The following BRINP3 variants were observed in gnomAD, a reference collection of about 807,000 sequenced individuals.
BRINP3 encodes BMP/retinoic acid-inducible neural-specific protein 3.
BRINP3 carries 19 observed loss-of-function variants against 71.0 expected under a neutral mutation model. That is an observed-to-expected ratio of 0.27 (90% CI 0.19 to 0.39). BRINP3 has a LOEUF of 0.39. BRINP3 is among the 10% of genes least tolerant of loss of function. BRINP3 has a pLI of 1.00. For synonymous variants in BRINP3, 380 were observed against 337.7 expected, an observed-to-expected ratio of 1.13 and a Z score of -1.37; for missense variants, 959 against 940.8, an observed-to-expected ratio of 1.02 and a Z score of -0.25.
intron 2 of BRINP3, among the ~76,000 whole-genome samples, chr1:190,397,366 T>C (rs1171150): frequency 0.55 from 83,723 of 151,708 alleles, 24,064 homozygotes; most frequent in Middle Eastern, 0.64. Flanking sequence ...AGTGTGTCGC[T>C]ATGGCTCCTG....
At chr1:190,277,870 C>CA (rs956126921) in intron 3 of BRINP3, among the ~76,000 whole-genome samples, 12 of 151,404 alleles carry the variant, frequency 7.9e-5, no homozygotes, top group African/African-American at 2.7e-4. Context: ...TATCATTATC[C>CA]AAAATAGAAG....
chr1:190,328,967 C>T (rs1666788632), intron 2 of BRINP3, among the ~76,000 whole-genome samples: 1 of 151,906 alleles, frequency 6.6e-6, no homozygotes, highest in South Asian at 2.1e-4. Context: ...TAAAATAATC[C>T]AACGTTGCTT....
At chr1:190,430,822 G>A (rs962666754) in intron 2 of BRINP3, among the ~76,000 whole-genome samples, 2 of 152,144 alleles carry the variant, frequency 1.3e-5, no homozygotes, top group Non-Finnish European at 2.9e-5. Context: ...TCCAGTTGCT[G>A]TGTTTCTCAC....
At chr1:190,195,919 G>A (rs1239189168) in intron 6 of BRINP3, among the ~76,000 whole-genome samples, 1 of 151,864 alleles carries the variant, frequency 6.6e-6, no homozygotes, top group Non-Finnish European at 1.5e-5. Context: ...CTCATGTTCA[G>A]CTACACATTA....
intron 1 of BRINP3, among the ~76,000 whole-genome samples, chr1:190,475,138 G>A (rs973972194): frequency 3.9e-5 from 6 of 152,120 alleles, no homozygotes; most frequent in East Asian, 1.9e-4. Flanking sequence ...AGGAGTGACC[G>A]TCAGCAATAA....
intron 6 of BRINP3, among the ~76,000 whole-genome samples, chr1:190,217,524 TTGGGTTC>T (rs1266205644): frequency 1.3e-5 from 2 of 152,004 alleles, no homozygotes; most frequent in Non-Finnish European, 2.9e-5. Context: ...AATAAAATGT[TTGGGTTC>T]ATTATTTAGC....
At chr1:190,444,223 G>A (rs918041962) in intron 2 of BRINP3, among the ~76,000 whole-genome samples, 16 of 57,366 alleles carry the variant, frequency 2.8e-4, no homozygotes, top group African/African-American at 1.0e-3. Flanking sequence ...GGGGCAACAA[G>A]AGCAAAACTC....
At chr1:190,262,489 T>A (rs1558122139) in intron 4 of BRINP3, among the ~76,000 whole-genome samples, 1 of 152,158 alleles carries the variant, frequency 6.6e-6, no homozygotes, top group African/African-American at 2.4e-5. Context: ...ACAAGATGGG[T>A]ACTTCTGTTC....
intron 2 of BRINP3, among the ~76,000 whole-genome samples, chr1:190,421,409 T>G (rs1035862362): frequency 6.6e-6 from 1 of 150,840 alleles, no homozygotes; most frequent in African/African-American, 2.4e-5. Context: ...ACTGATAAAC[T>G]GTTGAAGATG....
At chr1:190,164,451 T>A (rs999432322) in intron 6 of BRINP3, among the ~76,000 whole-genome samples, 9 of 152,154 alleles carry the variant, frequency 5.9e-5, no homozygotes, top group African/African-American at 2.2e-4. Context: ...TGCTTGCTTT[T>A]ATGATTGTTA....
At chr1:190,331,418 T>C (rs566356017) in intron 2 of BRINP3, among the ~76,000 whole-genome samples, 4 of 152,114 alleles carry the variant, frequency 2.6e-5, no homozygotes, top group South Asian at 2.1e-4. Flanking sequence ...ATTAGAACAA[T>C]AGTTTACCAA....
At chr1:190,460,016 C>T (rs773492938) in intron 1 of BRINP3, among the ~76,000 whole-genome samples, 3 of 151,816 alleles carry the variant, frequency 2.0e-5, no homozygotes, top group Non-Finnish European at 2.9e-5. Flanking sequence ...GGCTGATTTG[C>T]CCAATGTCTG....
At chr1:190,278,696 A>G (rs1662809949) in intron 3 of BRINP3, among the ~76,000 whole-genome samples, 1 of 151,778 alleles carries the variant, frequency 6.6e-6, no homozygotes, top group South Asian at 2.1e-4. Flanking sequence ...TTCAGAGATT[A>G]GAAACTGAGT....
At chr1:190,298,759 G>C (rs1383701647) in intron 2 of BRINP3, among the ~76,000 whole-genome samples, 1 of 151,874 alleles carries the variant, frequency 6.6e-6, no homozygotes, top group East Asian at 1.9e-4. Context: ...ATGTGACCCG[G>C]GGGCCCTGAA....
At chr1:190,197,971 T>A (rs1169517663) in intron 6 of BRINP3, among the ~76,000 whole-genome samples, 2 of 152,084 alleles carry the variant, frequency 1.3e-5, no homozygotes, top group Non-Finnish European at 2.9e-5. Context: ...AACCTGGACA[T>A]CCAGGCATTT....
intron 2 of BRINP3, among the ~76,000 whole-genome samples, chr1:190,413,095 T>C (rs1006318983): frequency 6.6e-6 from 1 of 152,206 alleles, no homozygotes; most frequent in East Asian, 1.9e-4. Context: ...TGTTTTGGCA[T>C]TGTAAATATT....
chr1:190,467,007 G>C (rs539816967), intron 1 of BRINP3, among the ~76,000 whole-genome samples: 2 of 151,584 alleles, frequency 1.3e-5, no homozygotes, highest in African/African-American at 4.8e-5. Flanking sequence ...TCATCACTCT[G>C]AGAATTGTTA....
At chr1:190,344,732 G>C (rs776868639) in intron 2 of BRINP3, among the ~76,000 whole-genome samples, 1 of 151,796 alleles carries the variant, frequency 6.6e-6, no homozygotes, top group Non-Finnish European at 1.5e-5. Context: ...TAGTTGAAAA[G>C]TTTAACATAA....
intron 2 of BRINP3, among the ~76,000 whole-genome samples, chr1:190,351,797 ACTT>A (rs1668404137): frequency 6.6e-6 from 1 of 152,112 alleles, no homozygotes; most frequent in South Asian, 2.1e-4. Context: ...TAAAATGTAT[ACTT>A]CTGTGCTTAT....
Sources: allele counts gnomAD v4.1 joint callset (sites outside exome capture counted in the v4.1 genomes callset), GRCh38; gene constraint gnomAD v4.1.1; transcripts MANE v1.5; gene names NCBI Gene and HGNC (gene_info 2026-07-23, HGNC 2026-07-21).